LDAH: variants seen among roughly 807,000 people sequenced by gnomAD.
LDAH encodes the protein lipid droplet-associated hydrolase.
Under a neutral mutation model 29.6 loss-of-function variants are expected in LDAH, and 26 were observed. The ratio of observed to expected loss-of-function variants is 0.88; its 90% CI spans 0.64 to 1.22. The LOEUF (loss-of-function observed/expected upper bound fraction) is 1.22. Ranked by LOEUF, LDAH falls within the 50% of genes most tolerant of loss-of-function variation. The pLI, the probability that LDAH is intolerant of heterozygous loss-of-function variation, is 0.00. For missense variants in LDAH, 344 were observed against 387.3 expected, an observed-to-expected ratio of 0.89 and a Z score of 0.94; for synonymous variants, 117 against 133.0, an observed-to-expected ratio of 0.88 and a Z score of 0.83.
In LDAH at chr2:20,774,953, T is replaced by C. The variant is rs769276877; in HGVS notation, c.325A>G (p.Ile109Val). ...EDSNAQEIKD[I>V]YGLNGQIEHK... ...TCTATTTGTCCATTTAGTCCATAAATGTCCTTAATTTCTTGAGCGTTTGAA... is the reference window on the plus strand; with the variant it reads ...TCTATTTGTCCATTTAGTCCATAAACGTCCTTAATTTCTTGAGCGTTTGAA... Residue 109 changes from isoleucine to valine, a missense_variant, in exon 4 of 7, where the codon ATT becomes GTT. By Grantham distance (29) the Ile-to-Val change is conservative. Coordinates refer to ENST00000237822, the MANE Select transcript of LDAH (RefSeq NM_021925.4). 2 of 1,598,712 alleles carry C rather than the reference T, an allele frequency of 1.3e-6. No homozygotes were observed. Among genetic ancestry groups the C allele is most frequent in the East Asian group, 2.2e-5 (1 of 44,520 alleles).
chr2:20,743,640 T>C (rs1185477574), intron 4 of LDAH, among the ~76,000 whole-genome samples: 1 of 152,126 alleles, frequency 6.6e-6, no homozygotes, highest in African/African-American at 2.4e-5. Context: ...AAATGAACAT[T>C]TTAGTCTTTG....
chr2:20,792,551 T>G (rs1440204624), intron 2 of LDAH, among the ~76,000 whole-genome samples: 1 of 152,176 alleles, frequency 6.6e-6, no homozygotes, highest in African/African-American at 2.4e-5. Context: ...CTTGTTTTAG[T>G]TAGTCTTACA....
At chr2:20,747,920 A>T (rs1667689940) in intron 4 of LDAH, among the ~76,000 whole-genome samples, 1 of 152,202 alleles carries the variant, frequency 6.6e-6, no homozygotes, top group Non-Finnish European at 1.5e-5. Flanking sequence ...TTAAAGCAGG[A>T]TGATTTCTGA....
At chr2:20,764,257 C>T (rs996662756) in intron 4 of LDAH, among the ~76,000 whole-genome samples, 1 of 152,184 alleles carries the variant, frequency 6.6e-6, no homozygotes, top group South Asian at 2.1e-4. Flanking sequence ...AGCATTTCAT[C>T]ATCTACAATA....
chr2:20,724,813 C>G (rs1297352884), intron 5 of LDAH, among the ~76,000 whole-genome samples: 1 of 152,154 alleles, frequency 6.6e-6, no homozygotes, highest in Admixed American at 6.5e-5. Flanking sequence ...GGTGGCAAGC[C>G]AAGTTGTGCT....
At position 20,706,044 on chromosome 2, in the gene LDAH, A is replaced by C. The variant is rs575909850; in HGVS notation, c.704-4392T>G. Among the ~76,000 whole-genome samples the C allele has an allele frequency of 3.9e-5, 6 of 152,328 alleles. No individual in the cohort carries two copies. The East Asian group carries it at 1.2e-3, about 29-fold the overall frequency. ...CAGGGCAATAAGGAACTGAAATTTC[A>C]ATTTTATTTAATTCATTTACATTTA... On this transcript the variant is annotated intron_variant, in intron 5 of 6. Coordinates refer to ENST00000237822, the MANE Select transcript of LDAH (RefSeq NM_021925.4).
chr2:20,819,452 A>C (rs919157961), intron 1 of LDAH, among the ~76,000 whole-genome samples: 1 of 152,196 alleles, frequency 6.6e-6, no homozygotes, highest in Admixed American at 6.5e-5. Flanking sequence ...ACATTTTAAC[A>C]AAGAAAAAAG....
intron 3 of LDAH, among the ~76,000 whole-genome samples, chr2:20,777,076 T>A (rs931107121): frequency 1.3e-5 from 2 of 152,194 alleles, no homozygotes; most frequent in Admixed American, 6.5e-5. Context: ...AGCAGATAAA[T>A]AAAAGCTATG....
intron 1 of LDAH, among the ~76,000 whole-genome samples, chr2:20,802,999 T>C (rs1239807880): frequency 6.6e-6 from 1 of 152,164 alleles, no homozygotes; most frequent in African/African-American, 2.4e-5. Context: ...TCCACTGCTG[T>C]GAGATTTCTC....
intron 1 of LDAH, among the ~76,000 whole-genome samples, chr2:20,804,529 TTAAA>T (rs1308713849): frequency 2.6e-5 from 4 of 152,184 alleles, no homozygotes; most frequent in African/African-American, 9.7e-5. Flanking sequence ...TAAGGAATAA[TTAAA>T]TAAATTGTAA....
chr2:20,745,713 C>A (rs187807257), intron 4 of LDAH, among the ~76,000 whole-genome samples: 1 of 152,136 alleles, frequency 6.6e-6, no homozygotes, highest in East Asian at 1.9e-4. Flanking sequence ...AAGTAAATGA[C>A]TGAGCATATG....
intron 4 of LDAH, among the ~76,000 whole-genome samples, chr2:20,772,711 G>A (rs1411801113): frequency 1.3e-5 from 2 of 152,160 alleles, no homozygotes; most frequent in African/African-American, 4.8e-5. Flanking sequence ...CAGGCTGTCT[G>A]CCTCCTTGAC....
chr2:20,686,692 T>G lies in LDAH; in HGVS notation c.*211A>C. On this transcript the variant is annotated 3_prime_UTR_variant, in exon 7 of 7. Coordinates refer to ENST00000237822, the MANE Select transcript of LDAH (RefSeq NM_021925.4). ...TGTAGATCACTGTGTTCCCTGAGTC[T>G]TGGAAAATGTATGGTTAAACCTATG... is the stretch of plus-strand genomic sequence containing the variant. The G allele has an allele frequency of 3.0e-6, 1 of 328,172 alleles. No homozygotes were observed. The allele number at this position is 328,172 out of a possible 1,614,324, so 20.3% of individuals were successfully genotyped here.
intron 5 of LDAH, among the ~76,000 whole-genome samples, chr2:20,703,364 A>G (rs1362165984): frequency 6.6e-6 from 1 of 152,120 alleles, no homozygotes; most frequent in Non-Finnish European, 1.5e-5. Flanking sequence ...ACTTACGATC[A>G]TCTTGTCATT....
At chr2:20,724,131 T>G (rs888959777) in intron 5 of LDAH, among the ~76,000 whole-genome samples, 7 of 152,226 alleles carry the variant, frequency 4.6e-5, no homozygotes, top group Admixed American at 1.3e-4. Context: ...ACATAATCCA[T>G]AACAGAAGGC....
At chr2:20,772,340 T>C (rs985463188) in intron 4 of LDAH, among the ~76,000 whole-genome samples, 4 of 152,186 alleles carry the variant, frequency 2.6e-5, no homozygotes, top group African/African-American at 9.7e-5. Flanking sequence ...GTTTTTAAAG[T>C]GTTTAAGACA....
intron 3 of LDAH, among the ~76,000 whole-genome samples, chr2:20,775,864 G>A (rs1669788075): frequency 6.6e-6 from 1 of 152,136 alleles, no homozygotes; most frequent in Non-Finnish European, 1.5e-5. Flanking sequence ...CTCTTAGGCT[G>A]TGAGTTCCTT....
At chr2:20,689,936 G>T (rs1204032116) in intron 6 of LDAH, among the ~76,000 whole-genome samples, 1 of 152,214 alleles carries the variant, frequency 6.6e-6, no homozygotes. Context: ...TCAAAGGAAA[G>T]CCAGACAGAA....
At chr2:20,799,435 A>C (rs536474597) in intron 2 of LDAH, among the ~76,000 whole-genome samples, 1 of 152,234 alleles carries the variant, frequency 6.6e-6, no homozygotes, top group African/African-American at 2.4e-5. Flanking sequence ...TGTAATGATC[A>C]TGTCAGGGTG....
Sources: gnomAD v4.1 joint callset for allele counts (sites outside exome capture counted in the v4.1 genomes callset) on GRCh38, gnomAD v4.1.1 for gene constraint, MANE v1.5 for transcripts, NCBI Gene and HGNC (gene_info 2026-07-23, HGNC 2026-07-21) for gene names.